The following METAP1D variants were observed in gnomAD, a reference collection of about 807,000 sequenced individuals.
METAP1D encodes methionine aminopeptidase 1D, mitochondrial.
METAP1D carries 31 observed loss-of-function variants against 40.5 expected under a neutral mutation model. The ratio of observed to expected loss-of-function variants is 0.77; its 90% CI spans 0.58 to 1.03. METAP1D has a LOEUF of 1.03. Among genes scored for constraint, METAP1D ranks in the 50% least tolerant of loss-of-function variants. METAP1D has a pLI of 0.00. For missense variants in METAP1D, 411 were observed against 420.7 expected, an observed-to-expected ratio of 0.98 and a Z score of 0.20; for synonymous variants, 151 against 146.4, an observed-to-expected ratio of 1.03 and a Z score of -0.22.
chr2:172,035,166 GTTT>G (rs1689343474), intron 1 of METAP1D, among the ~76,000 whole-genome samples: 2 of 150,934 alleles, frequency 1.3e-5, no homozygotes, highest in East Asian at 3.9e-4. Flanking sequence ...TTGTTTGTTT[GTTT>G]GTTTGTTTGT....
intron 5 of METAP1D, among the ~76,000 whole-genome samples, chr2:172,066,622 G>C (rs915979251): frequency 1.3e-5 from 2 of 152,210 alleles, no homozygotes; most frequent in African/African-American, 4.8e-5. Context: ...AGTTAACGCA[G>C]AGCACCACAG....
rs757586487 is a variant in METAP1D, at chr2:172,080,297, C to A, written c.930-31C>A. On this transcript the variant is annotated intron_variant, in intron 9 of 9. Coordinates refer to ENST00000315796, the MANE Select transcript of METAP1D (RefSeq NM_199227.3). ...TTGTGGCCCGGCCGGAGCTTGCGTG[C>A]GCGTTCTGACGGCTGGGTGCTGTGT... 24 of 1,613,960 alleles carry A rather than the reference C, an allele frequency of 1.5e-5. No homozygotes were observed. In the Admixed American group the frequency reaches 3.5e-4, roughly 24 times the overall value.
chr2:172,052,748 G>GCTGT (rs916413308), intron 1 of METAP1D, among the ~76,000 whole-genome samples: 1 of 152,182 alleles, frequency 6.6e-6, no homozygotes, highest in Non-Finnish European at 1.5e-5. Flanking sequence ...AGATTATAGA[G>GCTGT]CTGTATTAAT....
At chr2:172,066,894 G>A (rs1447061547) in intron 5 of METAP1D, among the ~76,000 whole-genome samples, 1 of 152,194 alleles carries the variant, frequency 6.6e-6, no homozygotes, top group Non-Finnish European at 1.5e-5. Context: ...GGTATAGAGA[G>A]CCTTGTGCTC....
In METAP1D at chr2:172,079,124, GT is replaced by G. The variant is rs961826846; in HGVS notation, c.803-85del. 9 of 1,360,232 alleles carry G rather than the reference GT, an allele frequency of 6.6e-6. 1 individual carries two copies. The East Asian group carries it at 2.1e-4, about 31-fold the overall frequency. 84.3% of individuals were successfully genotyped at this position (1,360,232 alleles called of 1,614,324 possible). On this transcript the variant is annotated intron_variant, in intron 7 of 9. Coordinates refer to ENST00000315796, the MANE Select transcript of METAP1D (RefSeq NM_199227.3). ...AAAAGAAGAGAAATAAAACGACCAA[GT>G]TTTTTAAAGGGGCCTGACCCCTGTA...
chr2:172,061,423 A>G, intron 1 of METAP1D, 75 bp from the exon 2 acceptor site: 1 of 1,310,820 alleles, frequency 7.6e-7, no homozygotes, highest in Admixed American at 2.3e-5. Flanking sequence ...TTAATAGACA[A>G]CACCACAACA....
At chr2:172,006,327 G>A (rs1330867657) in intron 1 of METAP1D, among the ~76,000 whole-genome samples, 1 of 152,120 alleles carries the variant, frequency 6.6e-6, no homozygotes, top group Non-Finnish European at 1.5e-5. Context: ...GGGACTACAG[G>A]CACCTGCCAC....
chr2:172,004,496 G>A (rs1214537106), intron 1 of METAP1D, among the ~76,000 whole-genome samples: 1 of 151,886 alleles, frequency 6.6e-6, no homozygotes, highest in Non-Finnish European at 1.5e-5. Flanking sequence ...GCTAATTTTT[G>A]TATTTTTAGT....
intron 6 of METAP1D, chr2:172,072,438 T>C (rs1210992620): frequency 6.0e-6 from 1 of 167,298 alleles, no homozygotes; most frequent in Non-Finnish European, 1.5e-5. Context: ...ATGTCAGCCT[T>C]TGATTCTCTC....
In METAP1D at chr2:172,081,821, G is replaced by A. The variant is rs1359090091; in HGVS notation, c.*1415G>A. ...ACCTGTAGTTGCCAGGACAGGTGGT[G>A]TCCTCGGCCAGGACTAAGAGCCAGC... On this transcript the variant is annotated 3_prime_UTR_variant, in exon 10 of 10. Coordinates refer to ENST00000315796, the MANE Select transcript of METAP1D (RefSeq NM_199227.3). 6.6e-6 allele frequency: 1 copy of A among 152,226 alleles called. No homozygotes were observed. The highest frequency in any genetic ancestry group is 1.9e-4 in the East Asian group (1 of 5,200). 9.4% of individuals were successfully genotyped at this position (152,226 alleles called of 1,614,324 possible).
intron 1 of METAP1D, among the ~76,000 whole-genome samples, chr2:172,031,474 A>C (rs1689240706): frequency 6.6e-6 from 1 of 152,116 alleles, no homozygotes; most frequent in African/African-American, 2.4e-5. Flanking sequence ...GCCATATTTA[A>C]AACTATAGCA....
At chr2:172,017,194 T>C (rs766399981) in intron 1 of METAP1D, among the ~76,000 whole-genome samples, 1 of 151,334 alleles carries the variant, frequency 6.6e-6, no homozygotes, top group Non-Finnish European at 1.5e-5. Flanking sequence ...TGTTGCCATA[T>C]TTTAAATCTC....
chr2:172,027,014 G>T (rs1303545638), intron 1 of METAP1D, among the ~76,000 whole-genome samples: 2 of 152,146 alleles, frequency 1.3e-5, no homozygotes, highest in Non-Finnish European at 2.9e-5. Context: ...AACATAAAGG[G>T]GTCTAGAAGA....
At chr2:172,014,097 A>C (rs1315517928) in intron 1 of METAP1D, among the ~76,000 whole-genome samples, 2 of 151,164 alleles carry the variant, frequency 1.3e-5, no homozygotes, top group Non-Finnish European at 2.9e-5. Context: ...TGCTGGGATT[A>C]CAGGCGTGAG....
chr2:172,002,623 A>C (rs998819714), intron 1 of METAP1D, among the ~76,000 whole-genome samples: 1 of 152,142 alleles, frequency 6.6e-6, no homozygotes, highest in African/African-American at 2.4e-5. Flanking sequence ...TATTTTAATG[A>C]TGGAGAAAGG....
chr2:172,011,755 T>C (rs1688728125), intron 1 of METAP1D, among the ~76,000 whole-genome samples: 1 of 152,260 alleles, frequency 6.6e-6, no homozygotes, highest in Non-Finnish European at 1.5e-5. Flanking sequence ...TGTATGGATA[T>C]ATCACATTTT....
intron 6 of METAP1D, 34 bp from the exon 7 acceptor site, chr2:172,077,763 A>T: frequency 9.0e-7 from 1 of 1,109,876 alleles, no homozygotes; most frequent in Non-Finnish European, 1.3e-6. Flanking sequence ...AAACTTATCT[A>T]ATTTAATTAA....
At chr2:172,066,836 T>C (rs1690295703) in intron 5 of METAP1D, among the ~76,000 whole-genome samples, 1 of 152,212 alleles carries the variant, frequency 6.6e-6, no homozygotes, top group Non-Finnish European at 1.5e-5. Flanking sequence ...CTAGCAGTGT[T>C]CCCTAGATTT....
intron 1 of METAP1D, among the ~76,000 whole-genome samples, chr2:172,002,637 C>T (rs1688492237): frequency 1.3e-5 from 2 of 152,130 alleles, no homozygotes; most frequent in African/African-American, 4.8e-5. Flanking sequence ...AGAAAGGGCC[C>T]CTTTTTGGAC....
Sources: allele counts gnomAD v4.1 joint callset (sites outside exome capture counted in the v4.1 genomes callset), GRCh38; gene constraint gnomAD v4.1.1; transcripts MANE v1.5; gene names NCBI Gene and HGNC (gene_info 2026-07-23, HGNC 2026-07-21).